The following TCEANC2 variants were observed in gnomAD, a reference collection of about 807,000 sequenced individuals.
The protein encoded by TCEANC2 is transcription elongation factor A N-terminal and central domain containing 2, also known as transcription elongation factor A N-terminal and central domain-containing protein 2.
TCEANC2 carries 20 observed loss-of-function variants against 22.8 expected under a neutral mutation model. The ratio of observed to expected loss-of-function variants is 0.88; its 90% confidence interval spans 0.62 to 1.28. The LOEUF is 1.28. Among genes scored for constraint, TCEANC2 ranks in the 50% most tolerant of loss-of-function variants. The pLI is 0.00. For missense variants in TCEANC2, 251 were observed against 249.7 expected (o/e 1.01, Z -0.03); for synonymous variants, 84 against 95.5 (o/e 0.88, Z 0.70).
At position 54,096,740 on chromosome 1, in the gene TCEANC2, C is replaced by A. The variant is rs1410002217; in HGVS notation, c.*267C>A. On this transcript the variant is annotated 3_prime_UTR_variant, in exon 5 of 5. Transcript: ENST00000234827. This position sits in a 1 kb window ranked among gnomAD's most constrained non-coding sequence, Gnocchi z 4.9. The stretch of plus-strand genomic sequence containing the variant: ...GCGCCATACGGTTGCTATCACCCAA[C>A]ATGGTGAAAGGGTGATGGATTTCAC... The A allele has an allele frequency of 2.3e-5, 27 of 1,166,910 alleles. No homozygotes were observed. The highest frequency in any genetic ancestry group is 3.1e-5 in the African/African-American group (2 of 64,468). 72.3% of individuals were successfully genotyped at this position (1,166,910 alleles called of 1,614,324 possible).
intron 2 of TCEANC2, among the ~76,000 whole-genome samples, chr1:54,064,779 A>C (rs1328116038): frequency 7.6e-6 from 1 of 130,960 alleles, no homozygotes; most frequent in Non-Finnish European, 1.5e-5. Flanking sequence ...GGCTCACTGC[A>C]CCCTCCACCT....
chr1:54,054,366 C>G lies in TCEANC2; in HGVS notation c.-42-15C>G. On this transcript the variant is annotated splice_polypyrimidine_tract_variant and intron_variant, in intron 1 of 4. Coordinates refer to ENST00000234827, the MANE Select transcript of TCEANC2 (RefSeq NM_153035.3). The stretch of plus-strand genomic sequence containing the variant: ...CTTTAGTGGGGTTTTAGAATCTGCC[C>G]TCTTTCTTGACCAGAACACGCTGCA... 3 of 1,606,004 alleles carry G rather than the reference C, an allele frequency of 1.9e-6. No individual in the cohort carries two copies. Among genetic ancestry groups the G allele is most frequent in the Non-Finnish European group, 2.5e-6 (3 of 1,176,610 alleles).
chr1:54,099,598 G>A lies in TCEANC2; in HGVS notation c.*3125G>A, dbSNP rs934009964. 2.0e-5 allele frequency: 3 copies of A among 152,022 alleles called. No homozygotes were observed. Among genetic ancestry groups the A allele is most frequent in the African/African-American group, 7.3e-5 (3 of 41,364 alleles). The allele number at this position is 152,022 out of a possible 1,614,324, so 9.4% of individuals were successfully genotyped here. A position where few individuals can be genotyped will look rare whatever the true frequency, so the allele number is the denominator to read the frequency against. ...GTCTGTACTAAAAATACAAAAATTA[G>A]CCAGATATGATGGCAGGCGCCTGTA... is the stretch of plus-strand genomic sequence containing the variant. On this transcript the variant is annotated 3_prime_UTR_variant, in exon 5 of 5. Coordinates refer to ENST00000234827, the MANE Select transcript of TCEANC2 (RefSeq NM_153035.3).
intron 1 of TCEANC2, chr1:54,054,173 C>T: frequency 5.3e-6 from 7 of 1,310,756 alleles, no homozygotes; most frequent in Non-Finnish European, 7.0e-6. Flanking sequence ...TAGGAACCTC[C>T]TAACTCAGGA....
In TCEANC2 at chr1:54,101,906, ATTACAGGC is replaced by A. The variant is rs1658670053; in HGVS notation, c.*5434_*5441del. The A allele has an allele frequency of 6.6e-6, 1 of 152,214 alleles. No individual in the cohort carries two copies. The highest frequency in any genetic ancestry group is 6.5e-5 in the Admixed American group (1 of 15,280). The allele number at this position is 152,214 out of a possible 1,614,324, so 9.4% of individuals were successfully genotyped here. The stretch of plus-strand genomic sequence containing the variant: ...TGCCTTGGCCTTCCAAAGTGTTGGG[ATTACAGGC>A]ATGAGTCACTTTGCCTTGCCCAGAC... On this transcript the variant is annotated 3_prime_UTR_variant, in exon 5 of 5. Coordinates refer to ENST00000234827, the MANE Select transcript of TCEANC2 (RefSeq NM_153035.3).
intron 3 of TCEANC2, among the ~76,000 whole-genome samples, chr1:54,071,932 C>A (rs1346448136): frequency 1.3e-5 from 2 of 151,988 alleles, no homozygotes; most frequent in Admixed American, 1.3e-4. Context: ...CCACCTCAGC[C>A]CCCCAAGTAG....
chr1:54,062,444 A>G (rs1389615449), intron 2 of TCEANC2, among the ~76,000 whole-genome samples: 1 of 152,212 alleles, frequency 6.6e-6, no homozygotes, highest in Admixed American at 6.5e-5. Context: ...CTAAAATTTC[A>G]TATCTGAAAA....
chr1:54,093,805 AC>A (rs1207352028), intron 4 of TCEANC2, among the ~76,000 whole-genome samples: 3 of 147,536 alleles, frequency 2.0e-5, no homozygotes, highest in African/African-American at 5.0e-5. Flanking sequence ...AAACACATAT[AC>A]CCTTCTTCTT....
chr1:54,109,110 A>C (rs1458225652), downstream of TCEANC2, among the ~76,000 whole-genome samples: 5 of 152,218 alleles, frequency 3.3e-5, no homozygotes, highest in African/African-American at 1.2e-4. Context: ...GCAATCTGAC[A>C]TACTAGGGGC....
chr1:54,088,538 T>G, intron 3 of TCEANC2, 59 bp from the exon 4 acceptor site: 1 of 1,436,266 alleles, frequency 7.0e-7, no homozygotes, highest in South Asian at 1.3e-5. Flanking sequence ...CATCTAGTCC[T>G]GCGCTTCTCA....
intron 3 of TCEANC2, among the ~76,000 whole-genome samples, chr1:54,069,233 A>G (rs1185137714): frequency 2.0e-5 from 3 of 152,252 alleles, no homozygotes; most frequent in African/African-American, 7.2e-5. Flanking sequence ...GGAAACTGGC[A>G]ATAACACATG....
chr1:54,056,576 C>T (rs867257264), intron 2 of TCEANC2, among the ~76,000 whole-genome samples: 90 of 152,122 alleles, frequency 5.9e-4, no homozygotes, highest in African/African-American at 1.7e-3. Context: ...CTGCCCACCT[C>T]GGCCTCCCAA....
rs781190719 is a variant in TCEANC2 at position 54,096,375 on chromosome 1, GC to G, written c.532del (p.Leu178TrpfsTer5). 1.2e-6 allele frequency: 2 copies of G among 1,613,632 alleles called. No individual in the cohort carries two copies. The highest frequency in any genetic ancestry group is 2.2e-5 in the South Asian group (2 of 91,080). On this transcript the variant is annotated frameshift_variant, in exon 5 of 5. Transcript: ENST00000234827. LOFTEE classifies it high-confidence loss of function. This position sits in a 1 kb window ranked among gnomAD's most constrained non-coding sequence, Gnocchi z 4.9. ...INGPYRRTVR[A>X]LVFTLKHRAE... ...TGGGCCGTACCGGCGGACGGTGAGA[GC>G]CCTGGTCTTCACATTAAAGCACCGA...
chr1:54,066,008 G>C (rs558024016), intron 2 of TCEANC2, among the ~76,000 whole-genome samples: 43 of 151,054 alleles, frequency 2.8e-4, no homozygotes, highest in African/African-American at 9.5e-4. Context: ...TTGGGGGAGA[G>C]GGGGGCGGAG....
chr1:54,109,409 A>ATGTG (rs1658808530), downstream of TCEANC2, among the ~76,000 whole-genome samples: 1 of 152,188 alleles, frequency 6.6e-6, no homozygotes, highest in African/African-American at 2.4e-5. Flanking sequence ...AGAGGCCAGT[A>ATGTG]TGTGGGTGGC....
intron 3 of TCEANC2, among the ~76,000 whole-genome samples, chr1:54,085,041 C>T (rs1245127913): frequency 1.3e-5 from 2 of 152,178 alleles, no homozygotes; most frequent in Non-Finnish European, 1.5e-5. Context: ...CATTCCTCCT[C>T]CTCTTCCTCC....
At chr1:54,058,463 C>T (rs1269917061) in intron 2 of TCEANC2, among the ~76,000 whole-genome samples, 1 of 152,184 alleles carries the variant, frequency 6.6e-6, no homozygotes, top group African/African-American at 2.4e-5. Context: ...TTTTGTGTCA[C>T]TGGTTCCTGG....
exon 5 of TCEANC2, chr1:54,112,469 A>ATC (rs578235723): frequency 6.4e-4 from 97 of 152,316 alleles, no homozygotes; most frequent in Admixed American, 3.0e-3. Flanking sequence ...TTCATGCATT[A>ATC]TCTCATTGTT....
chr1:54,085,755 G>A (rs1054043078), intron 3 of TCEANC2, among the ~76,000 whole-genome samples: 4 of 151,952 alleles, frequency 2.6e-5, no homozygotes, highest in South Asian at 2.1e-4. Flanking sequence ...CTTTTCTTAG[G>A]CAGGGTCTTG....
Sources: gnomAD v4.1 joint callset for allele counts (sites outside exome capture counted in the v4.1 genomes callset) on GRCh38, gnomAD v4.1.1 for gene constraint, Gnocchi (gnomAD v3.1) non-coding constraint, MANE v1.5 for transcripts, NCBI Gene and HGNC (gene_info 2026-07-23, HGNC 2026-07-21) for gene names.